Variants in CEP112 observed in about 807,000 individuals in gnomAD.
CEP112 encodes the protein centrosomal protein 112.
In CEP112, 127 loss-of-function variants were observed where a neutral mutation model predicts 153.0. That is an observed-to-expected ratio of 0.83 (90% CI 0.72 to 0.96). The LOEUF (loss-of-function observed/expected upper bound fraction) is 0.96, where lower values mean the gene tolerates loss of function less well. Among genes scored for constraint, CEP112 ranks in the 40% least tolerant of loss-of-function variants. The probability of loss-of-function intolerance (pLI) is 0.00; values close to 1 mark genes in which losing one functional copy is unlikely to be tolerated. For synonymous variants in CEP112, 358 were observed against 374.4 expected, an observed-to-expected ratio of 0.96 and a Z score of 0.51; for missense variants, 1,089 against 1,101.2, an observed-to-expected ratio of 0.99 and a Z score of 0.16.
In CEP112 at chr17:65,944,172, C is replaced by A. The variant is rs146289016; in HGVS notation, c.1873-16483G>T. 8.5e-4 allele frequency among the ~76,000 whole-genome samples: 130 copies of A among 152,282 alleles called. 1 individual carries two copies. Among genetic ancestry groups the A allele is most frequent in the African/African-American group, 3.0e-3 (124 of 41,552 alleles). On this transcript the variant is annotated intron_variant, in intron 18 of 26. Coordinates refer to ENST00000535342, the MANE Select transcript of CEP112 (RefSeq NM_001199165.4). The stretch of plus-strand genomic sequence containing the variant: ...GAGCTGAACAAAGAGAACACATAGA[C>A]ACAGGGAGGGGAGAGCATCAGGATA...
intron 21 of CEP112, among the ~76,000 whole-genome samples, chr17:65,757,285 T>A (rs2052345761): frequency 6.6e-6 from 1 of 152,164 alleles, no homozygotes; most frequent in African/African-American, 2.4e-5. Context: ...GGAGATGGCC[T>A]CTGCTGGAAG....
intron 21 of CEP112, among the ~76,000 whole-genome samples, chr17:65,811,845 C>T (rs1384978866): frequency 6.6e-6 from 1 of 152,078 alleles, no homozygotes; most frequent in Non-Finnish European, 1.5e-5. Flanking sequence ...CCTGGCTTTT[C>T]TGTAATAACA....
intron 23 of CEP112, among the ~76,000 whole-genome samples, chr17:65,706,405 A>G (rs186234251): frequency 6.6e-6 from 1 of 152,310 alleles, no homozygotes; most frequent in East Asian, 1.9e-4. Flanking sequence ...GCAGACCTGA[A>G]AAGAGGAGGC....
intron 24 of CEP112, among the ~76,000 whole-genome samples, chr17:65,674,812 A>T (rs2047147683): frequency 6.6e-6 from 1 of 152,218 alleles, no homozygotes; most frequent in South Asian, 2.1e-4. Context: ...TCTGGCACTC[A>T]ATCAAAAATA....
At chr17:65,837,763 G>A (rs906628244) in intron 21 of CEP112, among the ~76,000 whole-genome samples, 5 of 152,140 alleles carry the variant, frequency 3.3e-5, no homozygotes, top group African/African-American at 1.2e-4. Context: ...TTCTGCCTTG[G>A]GATGCTGTTA....
intron 21 of CEP112, among the ~76,000 whole-genome samples, chr17:65,784,788 T>C (rs1294590099): frequency 1.3e-5 from 2 of 152,184 alleles, no homozygotes; most frequent in African/African-American, 4.8e-5. Flanking sequence ...AGATTTTCTA[T>C]TTTTAATAAC....
chr17:66,054,151 G>C (rs2066575521), intron 11 of CEP112, among the ~76,000 whole-genome samples: 1 of 152,076 alleles, frequency 6.6e-6, no homozygotes, highest in African/African-American at 2.4e-5. Flanking sequence ...AGGTAGAAAT[G>C]GTAAATAAAT....
At chr17:66,054,752 CTTTTTG>C (rs934196168) in intron 11 of CEP112, among the ~76,000 whole-genome samples, 4 of 152,184 alleles carry the variant, frequency 2.6e-5, no homozygotes, top group Admixed American at 6.5e-5. Context: ...ATATATTTGG[CTTTTTG>C]TTTTTGTTTT....
chr17:65,784,731 G>A (rs1422793326), intron 21 of CEP112, among the ~76,000 whole-genome samples: 4 of 151,966 alleles, frequency 2.6e-5, no homozygotes, highest in South Asian at 2.1e-4. Flanking sequence ...CGCCTGCCTC[G>A]GCCTCCTAAA....
chr17:65,942,163 T>C (rs1322643383), intron 18 of CEP112, among the ~76,000 whole-genome samples: 5 of 136,220 alleles, frequency 3.7e-5, no homozygotes, highest in African/African-American at 1.3e-4. Flanking sequence ...CCACCTCCTG[T>C]CAGATCAGTG....
At chr17:66,027,131 C>T (rs1162417282) in intron 16 of CEP112, among the ~76,000 whole-genome samples, 1 of 152,188 alleles carries the variant, frequency 6.6e-6, no homozygotes, top group Non-Finnish European at 1.5e-5. Flanking sequence ...AATCCCAGCA[C>T]TTTGGGAGGC....
intron 20 of CEP112, among the ~76,000 whole-genome samples, chr17:65,871,764 G>C (rs138986546): frequency 2.0e-5 from 3 of 152,304 alleles, no homozygotes; most frequent in African/African-American, 7.2e-5. Context: ...TAGACAACTT[G>C]ACCTCAAAGG....
chr17:65,716,301 T>C (rs1488728403), intron 23 of CEP112, among the ~76,000 whole-genome samples: 1 of 151,972 alleles, frequency 6.6e-6, no homozygotes, highest in African/African-American at 2.4e-5. Flanking sequence ...GGATTACAGG[T>C]GCCCGCCACC....
At chr17:66,031,571 A>G (rs1163454251) in intron 12 of CEP112, among the ~76,000 whole-genome samples, 1 of 145,270 alleles carries the variant, frequency 6.9e-6, no homozygotes, top group Non-Finnish European at 1.5e-5. Flanking sequence ...TGATCCTCCC[A>G]CCTCAGCTTC....
intron 8 of CEP112, among the ~76,000 whole-genome samples, chr17:66,086,687 G>A (rs534045427): frequency 1.4e-3 from 218 of 151,404 alleles, no homozygotes; most frequent in Non-Finnish European, 2.6e-3. Context: ...GTGAGCCACC[G>A]TGCCTGGCCA....
At chr17:66,121,272 G>A (rs538684229) in intron 6 of CEP112, among the ~76,000 whole-genome samples, 30 of 125,560 alleles carry the variant, frequency 2.4e-4, no homozygotes, top group Admixed American at 1.6e-4. Flanking sequence ...GCGACACTTC[G>A]TCTCAAAAAA....
intron 23 of CEP112, among the ~76,000 whole-genome samples, chr17:65,698,684 C>T (rs901595056): frequency 2.6e-5 from 4 of 152,062 alleles, no homozygotes; most frequent in Non-Finnish European, 5.9e-5. Context: ...CTTCGTGGCT[C>T]TAAACAGCTT....
At chr17:65,914,774 T>C (rs928712316) in intron 19 of CEP112, among the ~76,000 whole-genome samples, 1 of 152,202 alleles carries the variant, frequency 6.6e-6, no homozygotes, top group African/African-American at 2.4e-5. Flanking sequence ...TTAAAAAAAC[T>C]TTCCTTTGAC....
intron 4 of CEP112, among the ~76,000 whole-genome samples, chr17:66,143,321 GT>G (rs2070785339): frequency 6.6e-6 from 1 of 152,174 alleles, no homozygotes; most frequent in African/African-American, 2.4e-5. Flanking sequence ...CAAATCCAAG[GT>G]TTTGCCAGTA....
Sources: allele counts gnomAD v4.1 joint callset (sites outside exome capture counted in the v4.1 genomes callset), GRCh38; gene constraint gnomAD v4.1.1; transcripts MANE v1.5; gene names NCBI Gene and HGNC (gene_info 2026-07-23, HGNC 2026-07-21).